MTDH: variants seen among roughly 807,000 people sequenced by gnomAD.
MTDH encodes the protein metadherin.
A neutral mutation model predicts 72.7 loss-of-function variants in MTDH; 34 were observed. The ratio of observed to expected loss-of-function variants is 0.47; its 90% CI spans 0.36 to 0.62. The LOEUF is 0.62. Ranked by LOEUF, MTDH falls within the 20% of genes least tolerant of loss-of-function variation. MTDH has a pLI of 0.00. For synonymous variants in MTDH, 266 were observed against 268.9 expected (o/e 0.99, Z 0.10); for missense variants, 677 against 699.4 (o/e 0.97, Z 0.36).
At chr8:97,685,650 C>T (rs1410665634) in intron 2 of MTDH, among the ~76,000 whole-genome samples, 1 of 151,908 alleles carries the variant, frequency 6.6e-6, no homozygotes, top group African/African-American at 2.4e-5. Context: ...ATCCCATCTA[C>T]TCCTGAGGCT....
At position 97,686,522 on chromosome 8, in the gene MTDH, T is replaced by G. The variant is rs77846984; in HGVS notation, c.484-146T>G. The G allele has an allele frequency of 2.5e-3, 936 of 375,900 alleles. 5 individuals carry two copies. Among genetic ancestry groups the G allele is most frequent in the African/African-American group, 0.017 (803 of 46,828 alleles). The allele number at this position is 375,900 out of a possible 1,614,324, so 23.3% of individuals were successfully genotyped here. A position where few individuals can be genotyped will look rare whatever the true frequency, so the allele number is the denominator to read the frequency against. ...TCAATGGTAACCTCATATGATTATTTTTGCCACTTAATATGTTAAGTTTTT... is the reference window on the plus strand; with the variant it reads ...TCAATGGTAACCTCATATGATTATTGTTGCCACTTAATATGTTAAGTTTTT... On this transcript the variant is annotated intron_variant, in intron 2 of 11. Transcript: ENST00000336273.
intron 9 of MTDH, among the ~76,000 whole-genome samples, chr8:97,715,914 CTG>C (rs528290845): frequency 2.3e-4 from 35 of 152,008 alleles, no homozygotes; most frequent in Middle Eastern, 3.4e-3. Context: ...AAAATGTTCA[CTG>C]TGTTTTTAAA....
At position 97,729,870 on chromosome 8, in the gene MTDH, T is replaced by TAGTA. The variant is rs1419059411; in HGVS notation, c.*5201_*5204dup. Among the ~76,000 whole-genome samples the TAGTA allele has an allele frequency of 6.6e-6, 1 of 152,114 alleles. No homozygotes were observed. Among genetic ancestry groups the TAGTA allele is most frequent in the Non-Finnish European group, 1.5e-5 (1 of 68,014 alleles). ...CTAGAGACAGAGGCTGAGAGAAACT[T>TAGTA]AGTAGCCTGCCTGCGCATACTGCAA... On this transcript the variant is annotated 3_prime_UTR_variant, in exon 12 of 12. Transcript: ENST00000336273.
intron 6 of MTDH, among the ~76,000 whole-genome samples, chr8:97,696,793 A>G (rs2468012): frequency 0.093 from 14,127 of 152,014 alleles, 917 homozygotes; most frequent in East Asian, 0.25. Flanking sequence ...TATTAATCAT[A>G]TAGAAACTAC....
Position 97,719,442 on chromosome 8 carries a change from G to A in MTDH, c.1521+253G>A, listed in dbSNP as rs146789500. ...TGAGAGGCGGAGGGTGCAGTGAGCC[G>A]AGATCACTCCACTGCACTCCGGCCT... On this transcript the variant is annotated intron_variant, in intron 10 of 11. Coordinates refer to ENST00000336273, the MANE Select transcript of MTDH (RefSeq NM_178812.4). 9.6e-3 allele frequency among the ~76,000 whole-genome samples: 1,369 copies of A among 142,870 alleles called. 21 individuals carry two copies. The highest frequency in any genetic ancestry group is 0.035 in the African/African-American group (1,285 of 36,946). 93.7% of individuals were successfully genotyped at this position (142,870 alleles called of 152,430 possible). A position where few individuals can be genotyped will look rare whatever the true frequency, so the allele number is the denominator to read the frequency against.
At chr8:97,713,504 T>C (rs191039479) in intron 8 of MTDH, among the ~76,000 whole-genome samples, 158 bp from the exon 9 acceptor site, 6 of 152,352 alleles carry the variant, frequency 3.9e-5, no homozygotes, top group Admixed American at 2.6e-4. Flanking sequence ...TTTTTAAATA[T>C]GTAGTTCTTG....
At chr8:97,682,506 G>A (rs933426385) in intron 2 of MTDH, among the ~76,000 whole-genome samples, 1 of 150,306 alleles carries the variant, frequency 6.7e-6, no homozygotes, top group Non-Finnish European at 1.5e-5. Flanking sequence ...CACCATGTTG[G>A]CCAAGGCTGG....
intron 11 of MTDH, among the ~76,000 whole-genome samples, chr8:97,724,074 A>G (rs1815259621): frequency 6.6e-6 from 1 of 152,192 alleles, no homozygotes; most frequent in South Asian, 2.1e-4. Flanking sequence ...GCGCCATTGC[A>G]CTCCAGCCTG....
At chr8:97,718,970 A>G (rs1814992017) in intron 9 of MTDH, 79 bp from the exon 10 acceptor site, 1 of 1,332,918 alleles carries the variant, frequency 7.5e-7, no homozygotes, top group African/African-American at 1.5e-5. Flanking sequence ...TGCTGGGATT[A>G]CAGCCATACA....
At chr8:97,694,058 A>G (rs1813726351) in intron 6 of MTDH, among the ~76,000 whole-genome samples, 1 of 152,104 alleles carries the variant, frequency 6.6e-6, no homozygotes, top group Non-Finnish European at 1.5e-5. Context: ...TTGTGCATTA[A>G]ACATACGATT....
At chr8:97,701,741 A>G (rs987524438) in intron 7 of MTDH, among the ~76,000 whole-genome samples, 1 of 152,218 alleles carries the variant, frequency 6.6e-6, no homozygotes. Context: ...TTGAGTGGAC[A>G]GGTCTCCAGG....
At chr8:97,703,818 T>C (rs1260090650) in intron 7 of MTDH, among the ~76,000 whole-genome samples, 1 of 152,214 alleles carries the variant, frequency 6.6e-6, no homozygotes. Context: ...CTACCATTTA[T>C]TGAGCGCTTA....
In MTDH at chr8:97,644,527, G is replaced by A. The variant is rs769043599; in HGVS notation, c.21G>A (p.Gln7=). 6.3e-7 allele frequency: 1 copy of A among 1,593,208 alleles called. No individual in the cohort carries two copies. Among genetic ancestry groups the A allele is most frequent in the Non-Finnish European group, 8.5e-7 (1 of 1,174,862 alleles). The change falls in exon 1 of 12, where the codon CAG becomes CAA. Residue 7 remains glutamine (Q), a synonymous_variant. Transcript: ENST00000336273. ...GGAAGATGGCTGCACGGAGCTGGCA[G>A]GACGAGCTGGCCCAGCAGGCCGAGG... MAARSW[Q]DELAQQAEEG...
At chr8:97,673,651 ACT>A (rs1812723571) in intron 2 of MTDH, among the ~76,000 whole-genome samples, 1 of 114,508 alleles carries the variant, frequency 8.7e-6, no homozygotes, top group African/African-American at 3.4e-5. Context: ...CAAGAGCAAA[ACT>A]CTGTCTTGGG....
intron 1 of MTDH, among the ~76,000 whole-genome samples, chr8:97,646,685 A>AAAAATGCTCAGTAGACTT (rs1811576826): frequency 6.6e-6 from 1 of 152,236 alleles, no homozygotes; most frequent in Non-Finnish European, 1.5e-5. Context: ...CATTACTGTG[A>AAAAATGCTCAGTAGACTT]AAAATGCTCA....
chr8:97,712,204 A>AT (rs1214102601), intron 8 of MTDH, among the ~76,000 whole-genome samples: 2 of 152,022 alleles, frequency 1.3e-5, no homozygotes, highest in African/African-American at 4.8e-5. Context: ...GGCCCAGCTA[A>AT]TTTTTTTATT....
chr8:97,660,407 A>G (rs1217914371), intron 1 of MTDH, among the ~76,000 whole-genome samples: 2 of 152,182 alleles, frequency 1.3e-5, no homozygotes, highest in East Asian at 1.9e-4. Flanking sequence ...TTGTTTATGT[A>G]TCATCTATGG....
At chr8:97,652,085 G>A (rs932709380) in intron 1 of MTDH, among the ~76,000 whole-genome samples, 2 of 152,156 alleles carry the variant, frequency 1.3e-5, no homozygotes, top group Admixed American at 6.5e-5. Flanking sequence ...CTAACCTGCA[G>A]CAGTAGCCTT....
chr8:97,644,624 C>T lies in MTDH; in HGVS notation c.118C>T (p.Leu40=), dbSNP rs1811486113. The T allele has an allele frequency of 6.2e-7, 1 of 1,610,196 alleles. No homozygotes were observed. The highest frequency in any genetic ancestry group is 8.5e-7 in the Non-Finnish European group (1 of 1,179,276). ...GFLRTELGLD[L]GLEPKRYPGW... ...TCTGCGCACCGAGCTGGGCCTCGAC[C>T]TGGGGCTGGAGCCGAAACGGTACCC... is the stretch of plus-strand genomic sequence containing the variant. Residue 40 remains leucine (L), a synonymous_variant, in exon 1 of 12, where the codon CTG becomes TTG. Transcript: ENST00000336273.
Sources: allele counts gnomAD v4.1 joint callset (sites outside exome capture counted in the v4.1 genomes callset), GRCh38; gene constraint gnomAD v4.1.1; transcripts MANE v1.5; gene names NCBI Gene and HGNC (gene_info 2026-07-23, HGNC 2026-07-21).